The following UBQLN1 variants were observed in gnomAD, a reference collection of about 807,000 sequenced individuals.
UBQLN1 encodes the protein ubiquilin 1.
A neutral mutation model predicts 65.4 loss-of-function variants in UBQLN1; 13 were observed. The ratio of observed to expected loss-of-function variants is 0.20; its 90% CI spans 0.13 to 0.32. UBQLN1 has a LOEUF of 0.32. UBQLN1 is among the 10% of genes least tolerant of loss of function. The probability of loss-of-function intolerance (pLI) is 1.00; values close to 1 mark genes in which losing one functional copy is unlikely to be tolerated. For missense variants in UBQLN1, 561 were observed against 724.0 expected (o/e 0.77, Z 2.58); for synonymous variants, 267 against 247.8 (o/e 1.08, Z -0.73).
At position 83,678,829 on chromosome 9, in the gene UBQLN1, T is replaced by A. The variant is rs923385430; in HGVS notation, c.712-230A>T. Among the ~76,000 whole-genome samples, 20 of 152,264 alleles carry A rather than the reference T, an allele frequency of 1.3e-4. 1 individual carries two copies. The highest frequency in any genetic ancestry group is 1.2e-3 in the Admixed American group (18 of 15,298). On this transcript the variant is annotated intron_variant, in intron 4 of 10. Transcript: ENST00000376395. ...CCTCCCGGGTTCACACCCATTCTCCTGCCTCAGCCTCCCGAGTAGCTGGGA... is the reference window on the plus strand; with the variant it reads ...CCTCCCGGGTTCACACCCATTCTCCAGCCTCAGCCTCCCGAGTAGCTGGGA...
chr9:83,670,034 T>G (rs962818606), intron 6 of UBQLN1, among the ~76,000 whole-genome samples: 2 of 152,220 alleles, frequency 1.3e-5, no homozygotes, highest in African/African-American at 4.8e-5. Flanking sequence ...AAAGCACTTA[T>G]GATTATTGTT....
chr9:83,676,771 T>C (rs552901660), intron 6 of UBQLN1, among the ~76,000 whole-genome samples: 2 of 152,322 alleles, frequency 1.3e-5, no homozygotes, highest in Non-Finnish European at 1.5e-5. Context: ...ACATGCCCAG[T>C]CTATCTCATC....
chr9:83,707,500 C>T lies in UBQLN1; in HGVS notation c.180G>A (p.Gln60=). The part of the protein sequence containing the change: ...FAVPENSSVQ[Q]FKEEISKRFK... ...CGGCCCGAGCCCCAGGCGGCCTCAC[C>T]TGCTGGACGGAGCTATTCTCGGGCA... The change falls in exon 1 of 11, where the codon CAG becomes CAA. Residue 60 remains glutamine, a splice_region_variant and synonymous_variant. Transcript: ENST00000376395. The T allele has an allele frequency of 6.2e-7, 1 of 1,607,446 alleles. No homozygotes were observed. The highest frequency in any genetic ancestry group is 1.4e-5 in the African/African-American group (1 of 73,940).
chr9:83,692,391 T>C (rs1440023269), intron 1 of UBQLN1, among the ~76,000 whole-genome samples: 1 of 152,140 alleles, frequency 6.6e-6, no homozygotes, highest in African/African-American at 2.4e-5. Context: ...GTAACTTCCT[T>C]GTCTGTTTAA....
intron 4 of UBQLN1, 81 bp from the exon 5 acceptor site, chr9:83,678,680 C>A: frequency 7.1e-7 from 1 of 1,409,724 alleles, no homozygotes; most frequent in Non-Finnish European, 9.6e-7. Context: ...TATTAACTGC[C>A]ATTAAACAAA....
At chr9:83,696,156 T>C (rs1361855006) in intron 1 of UBQLN1, among the ~76,000 whole-genome samples, 1 of 152,188 alleles carries the variant, frequency 6.6e-6, no homozygotes, top group East Asian at 1.9e-4. Flanking sequence ...GCCAGGACGG[T>C]CTCAAACTCT....
intron 1 of UBQLN1, 33 bp from the exon 2 acceptor site, chr9:83,686,188 T>C (rs1480424727): frequency 7.1e-7 from 1 of 1,416,152 alleles, no homozygotes; most frequent in Admixed American, 2.4e-5. Flanking sequence ...TGTATTACAG[T>C]TGTTTGCACA....
chr9:83,685,497 G>A (rs2131168840), intron 2 of UBQLN1, among the ~76,000 whole-genome samples: 1 of 152,074 alleles, frequency 6.6e-6, no homozygotes, highest in South Asian at 2.1e-4. Context: ...GATACACAAA[G>A]GTATCTCTTT....
At position 83,666,366 on chromosome 9, in the gene UBQLN1, G is replaced by C; in HGVS notation, c.1316C>G (p.Pro439Arg). ...QLQEQMRQQL[P>R]TFLQQMQNPD... ...CTTACTCACTTGTTGGAGGAAAGTT[G>C]GGAGCTGTTGTCTCATTTGTTCTTG... Residue 439 changes from proline to arginine, a missense_variant, in exon 8 of 11, where the codon CCA becomes CGA. Transcript: ENST00000376395. The C allele has an allele frequency of 1.2e-6, 2 of 1,613,860 alleles. No individual in the cohort carries two copies. Among genetic ancestry groups the C allele is most frequent in the Non-Finnish European group, 1.7e-6 (2 of 1,179,800 alleles).
intron 6 of UBQLN1, 36 bp downstream of exon 6, chr9:83,677,691 C>A: frequency 6.6e-7 from 1 of 1,505,086 alleles, no homozygotes. Flanking sequence ...TAAATGAGGA[C>A]AACAAAGAAA....
intron 1 of UBQLN1, among the ~76,000 whole-genome samples, chr9:83,690,561 G>T (rs1272062659): frequency 8.5e-5 from 13 of 152,066 alleles, no homozygotes; most frequent in African/African-American, 3.1e-4. Context: ...TTAAAAGTTG[G>T]CTGTGAACTT....
chr9:83,683,864 T>G (rs766691722), intron 2 of UBQLN1, among the ~76,000 whole-genome samples: 1 of 151,942 alleles, frequency 6.6e-6, no homozygotes, highest in African/African-American at 2.4e-5. Context: ...TCTACTAAAA[T>G]ACAAAAATTA....
chr9:83,707,801 C>G lies in UBQLN1; in HGVS notation c.-122G>C, dbSNP rs1832443950. 3 of 1,357,464 alleles carry G rather than the reference C, an allele frequency of 2.2e-6. No individual in the cohort carries two copies. The highest frequency in any genetic ancestry group is 2.9e-6 in the Non-Finnish European group (3 of 1,045,302). The allele number at this position is 1,357,464 out of a possible 1,614,324, so 84.1% of individuals were successfully genotyped here. A position where few individuals can be genotyped will look rare whatever the true frequency, so the allele number is the denominator to read the frequency against. Reference sequence around the variant, plus strand: ...GCGAAGAATGCAGAGCACGCCGCCTCAGTAGCAACGGGCGCAGGGCCACCG... The same window carrying G: ...GCGAAGAATGCAGAGCACGCCGCCTGAGTAGCAACGGGCGCAGGGCCACCG... On this transcript the variant is annotated 5_prime_UTR_variant, in exon 1 of 11. Coordinates refer to ENST00000376395, the MANE Select transcript of UBQLN1 (RefSeq NM_013438.5).
chr9:83,696,756 C>A (rs1485351645), intron 1 of UBQLN1, among the ~76,000 whole-genome samples: 1 of 152,050 alleles, frequency 6.6e-6, no homozygotes. Context: ...GGACACAATG[C>A]TAGGCAACAT....
At chr9:83,688,958 C>T (rs1299631245) in intron 1 of UBQLN1, among the ~76,000 whole-genome samples, 3 of 152,060 alleles carry the variant, frequency 2.0e-5, no homozygotes, top group Non-Finnish European at 2.9e-5. Flanking sequence ...ACTCATACCA[C>T]GTAATTCACT....
intron 1 of UBQLN1, among the ~76,000 whole-genome samples, chr9:83,706,113 G>T (rs142874805): frequency 1.6e-4 from 17 of 107,890 alleles, no homozygotes; most frequent in East Asian, 3.4e-4. Flanking sequence ...TTTCACTGCT[G>T]CCAAAATTAC....
intron 6 of UBQLN1, among the ~76,000 whole-genome samples, chr9:83,677,502 C>T (rs760691905): frequency 2.0e-5 from 3 of 152,098 alleles, no homozygotes; most frequent in Non-Finnish European, 2.9e-5. Flanking sequence ...GAAGAGGTTG[C>T]GGTGAGCTGA....
At chr9:83,662,575 A>G (rs1215346111) in intron 10 of UBQLN1, among the ~76,000 whole-genome samples, 1 of 152,108 alleles carries the variant, frequency 6.6e-6, no homozygotes, top group East Asian at 1.9e-4. Flanking sequence ...TAAATGACCA[A>G]TCAATCCTAG....
In UBQLN1 at chr9:83,677,820, T is replaced by C. The variant is rs769766857; in HGVS notation, c.1012A>G (p.Thr338Ala). Residue 338 changes from threonine (T) to alanine (A), a missense_variant, in exon 6 of 11, where the codon ACT becomes GCT. This residue lies in a region of UBQLN1 where 89 missense variants were observed against 77.8 expected (regional missense o/e 1.14). Coordinates refer to ENST00000376395, the MANE Select transcript of UBQLN1 (RefSeq NM_013438.5). The part of the protein sequence containing the change: ...TSQSSSASSG[T>A]ASTVGGTTGS... Reference sequence around the variant, plus strand: ...GTAGTGCCACCCACAGTGCTGGCAGTGCCGCTGGAAGCTGATGAACTCTGG... The same window carrying C: ...GTAGTGCCACCCACAGTGCTGGCAGCGCCGCTGGAAGCTGATGAACTCTGG... 9.9e-6 allele frequency: 16 copies of C among 1,614,108 alleles called. No homozygotes were observed. Among genetic ancestry groups the C allele is most frequent in the Non-Finnish European group, 1.3e-5 (15 of 1,180,014 alleles).
Sources: allele counts gnomAD v4.1 joint callset (sites outside exome capture counted in the v4.1 genomes callset), GRCh38; gene constraint gnomAD v4.1.1; regional missense constraint gnomAD v4.1.1; transcripts MANE v1.5; gene names NCBI Gene and HGNC (gene_info 2026-07-23, HGNC 2026-07-21).